The following ENOX1 variants were observed in gnomAD, a reference collection of about 807,000 sequenced individuals.
ENOX1 encodes candidate growth-related and time keeping constitutive hydroquinone (NADH) oxidase.
ENOX1 carries 42 observed loss-of-function variants against 82.5 expected under a neutral mutation model. The observed-to-expected ratio is 0.51, with a 90% confidence interval of 0.40 to 0.66. The LOEUF is 0.66. Among genes scored for constraint, ENOX1 ranks in the 30% least tolerant of loss-of-function variants. The probability of loss-of-function intolerance (pLI) is 0.00; values close to 1 mark genes in which losing one functional copy is unlikely to be tolerated. For missense variants in ENOX1, 608 were observed against 811.6 expected, an observed-to-expected ratio of 0.75 and a Z score of 3.05; for synonymous variants, 271 against 282.2, an observed-to-expected ratio of 0.96 and a Z score of 0.40.
intron 2 of ENOX1, among the ~76,000 whole-genome samples, chr13:43,530,282 G>T (rs960871311): frequency 1.3e-5 from 2 of 152,230 alleles, no homozygotes; most frequent in East Asian, 3.9e-4. Flanking sequence ...CCTGATAGAA[G>T]GAGTAGAATT....
chr13:43,323,434 C>G (rs766423554), intron 10 of ENOX1, among the ~76,000 whole-genome samples: 1 of 152,162 alleles, frequency 6.6e-6, no homozygotes, highest in Non-Finnish European at 1.5e-5. Flanking sequence ...AGGCTGTTTA[C>G]ATGTAGTAGC....
chr13:43,333,314 G>A (rs990308197), intron 9 of ENOX1, among the ~76,000 whole-genome samples: 2 of 152,180 alleles, frequency 1.3e-5, no homozygotes, highest in African/African-American at 2.4e-5. Context: ...TGCCAACAGT[G>A]CATAATCAAA....
chr13:43,318,733 C>T (rs2047650302), intron 11 of ENOX1, among the ~76,000 whole-genome samples: 1 of 152,166 alleles, frequency 6.6e-6, no homozygotes, highest in Non-Finnish European at 1.5e-5. Context: ...CCCAGGGCCA[C>T]GTGTTGGAGG....
chr13:43,260,117 T>C (rs940139124), intron 14 of ENOX1, among the ~76,000 whole-genome samples: 4 of 152,196 alleles, frequency 2.6e-5, no homozygotes, highest in Non-Finnish European at 4.4e-5. Flanking sequence ...TTAAAATACA[T>C]GGTTAATGAT....
intron 15 of ENOX1, among the ~76,000 whole-genome samples, chr13:43,227,575 C>T (rs1317822332): frequency 1.3e-5 from 2 of 152,152 alleles, no homozygotes; most frequent in African/African-American, 2.4e-5. Context: ...CCCGTCCTGT[C>T]ATGGATTTAG....
chr13:43,243,183 G>A (rs1161867267), intron 14 of ENOX1, among the ~76,000 whole-genome samples: 2 of 146,906 alleles, frequency 1.4e-5, no homozygotes, highest in African/African-American at 5.0e-5. Flanking sequence ...CCTTCCTAAT[G>A]TAATTTTCTA....
chr13:43,261,243 G>A (rs1412900322), intron 14 of ENOX1, among the ~76,000 whole-genome samples: 3 of 152,132 alleles, frequency 2.0e-5, no homozygotes, highest in African/African-American at 7.2e-5. Context: ...GATGAGTCTT[G>A]AGACTAAGAC....
intron 1 of ENOX1, among the ~76,000 whole-genome samples, chr13:43,733,826 C>T (rs1156821046): frequency 6.6e-6 from 1 of 152,114 alleles, no homozygotes; most frequent in Non-Finnish European, 1.5e-5. Flanking sequence ...AAGATAAGGT[C>T]CTTAGGGTCA....
intron 14 of ENOX1, among the ~76,000 whole-genome samples, chr13:43,252,474 ACT>A (rs948429244): frequency 3.3e-5 from 5 of 151,840 alleles, no homozygotes; most frequent in African/African-American, 1.2e-4. Flanking sequence ...TTAGAAATGC[ACT>A]CTTTCTTTTT....
chr13:43,222,048 T>C (rs2041817465), intron 16 of ENOX1, among the ~76,000 whole-genome samples: 1 of 152,166 alleles, frequency 6.6e-6, no homozygotes, highest in Admixed American at 6.6e-5. Context: ...ATTCAGAAGA[T>C]GGAGAGCTAT....
At chr13:43,283,452 T>C (rs2045515620) in intron 12 of ENOX1, among the ~76,000 whole-genome samples, 1 of 152,034 alleles carries the variant, frequency 6.6e-6, no homozygotes, top group South Asian at 2.1e-4. Context: ...ATTTTTTGTT[T>C]GTTTATTTGA....
Position 43,755,246 on chromosome 13 carries a change from G to A in ENOX1, c.-285+31406C>T, listed in dbSNP as rs142402916. On this transcript the variant is annotated intron_variant, in intron 1 of 16. Transcript: ENST00000690772. ...TCCACATCTCCATATGACCATCACT[G>A]TCAGAACCATCATCTTTGAGTATGA... Among the ~76,000 whole-genome samples the A allele has an allele frequency of 6.5e-4, 99 of 152,196 alleles. 1 individual carries two copies. Among genetic ancestry groups the A allele is most frequent in the African/African-American group, 2.2e-3 (90 of 41,524 alleles).
chr13:43,380,552 A>G (rs901223295), intron 5 of ENOX1, among the ~76,000 whole-genome samples: 20 of 150,820 alleles, frequency 1.3e-4, no homozygotes, highest in African/African-American at 4.8e-4. Flanking sequence ...TTTTAACCCA[A>G]TCACACTGAT....
chr13:43,233,094 A>G (rs1992641), intron 15 of ENOX1, among the ~76,000 whole-genome samples: 147,618 of 152,268 alleles, frequency 0.97, 71,719 homozygotes, highest in East Asian at 1. Flanking sequence ...TATGTGAAAT[A>G]AACTAGTTCT....
At chr13:43,729,465 A>C (rs1375385179) in intron 1 of ENOX1, among the ~76,000 whole-genome samples, 3 of 152,208 alleles carry the variant, frequency 2.0e-5, no homozygotes, top group African/African-American at 7.2e-5. Context: ...AATGATTTGG[A>C]AACATCTTAA....
intron 2 of ENOX1, among the ~76,000 whole-genome samples, chr13:43,651,334 T>C (rs892517094): frequency 1.3e-5 from 2 of 152,132 alleles, no homozygotes; most frequent in Non-Finnish European, 2.9e-5. Context: ...CAGAAAATTT[T>C]GCCAGGATGC....
rs533181972 is a variant in ENOX1 at position 43,783,992 on chromosome 13, G to A, written c.-285+2660C>T. ...ACTGCTTTGTTTTTCATTCACAGTAGGTGGTTGCCAGGCAACAAAATACTA... is the reference window on the plus strand; with the variant it reads ...ACTGCTTTGTTTTTCATTCACAGTAAGTGGTTGCCAGGCAACAAAATACTA... On this transcript the variant is annotated intron_variant, in intron 1 of 16. Coordinates refer to ENST00000690772, the MANE Select transcript of ENOX1 (RefSeq NM_001347969.2). 2.0e-5 allele frequency among the ~76,000 whole-genome samples: 3 copies of A among 152,226 alleles called. No individual in the cohort carries two copies. In the East Asian group the frequency reaches 5.8e-4, roughly 29 times the overall value.
At chr13:43,541,173 G>GTTTTTTTTTTTTGT in intron 2 of ENOX1, among the ~76,000 whole-genome samples, 1 of 64,574 alleles carries the variant, frequency 1.5e-5, no homozygotes, top group Non-Finnish European at 3.2e-5. Flanking sequence ...TCTTCCCTCT[G>GTTTTTTTTTTTTGT]TTTTTTTTTT....
chr13:43,650,560 G>A lies in ENOX1; in HGVS notation c.-219+16919C>T, dbSNP rs554718252. 1.1e-4 allele frequency among the ~76,000 whole-genome samples: 17 copies of A among 152,216 alleles called. No individual in the cohort carries two copies. The East Asian group carries it at 2.3e-3, about 21-fold the overall frequency. On this transcript the variant is annotated intron_variant, in intron 2 of 16. Coordinates refer to ENST00000690772, the MANE Select transcript of ENOX1 (RefSeq NM_001347969.2). ...GACTTTCAAACCCAGGAGCTTGGCC[G>A]CGCATGGTGGCCTCACTCCTGTAAT...
Sources: gnomAD v4.1 joint callset for allele counts (sites outside exome capture counted in the v4.1 genomes callset) on GRCh38, gnomAD v4.1.1 for gene constraint, MANE v1.5 for transcripts, NCBI Gene and HGNC (gene_info 2026-07-23, HGNC 2026-07-21) for gene names.